The following CUL4A variants were observed in gnomAD, a reference collection of about 807,000 sequenced individuals.
CUL4A encodes the protein cullin-4A.
A neutral mutation model predicts 95.5 loss-of-function variants in CUL4A; 16 were observed. That is an observed-to-expected ratio of 0.17 (90% CI 0.11 to 0.25). The LOEUF (loss-of-function observed/expected upper bound fraction) is 0.25, where lower values mean the gene tolerates loss of function less well. CUL4A is among the 10% of genes least tolerant of loss of function. The pLI, the probability that CUL4A is intolerant of heterozygous loss-of-function variation, is 1.00. For missense variants in CUL4A, 610 were observed against 937.0 expected, an observed-to-expected ratio of 0.65 and a Z score of 4.56; for synonymous variants, 380 against 353.1, an observed-to-expected ratio of 1.08 and a Z score of -0.85.
At chr13:113,211,191 T>G (rs1485339528) in intron 2 of CUL4A, among the ~76,000 whole-genome samples, 1 of 152,250 alleles carries the variant, frequency 6.6e-6, no homozygotes, top group African/African-American at 2.4e-5. Context: ...TATTTTGCGA[T>G]TTCTAGAACC....
chr13:113,235,338 C>T (rs951792361), intron 8 of CUL4A, among the ~76,000 whole-genome samples, 193 bp downstream of exon 8: 3 of 152,240 alleles, frequency 2.0e-5, no homozygotes, highest in Admixed American at 6.5e-5. Flanking sequence ...AGTGCCTTGT[C>T]ATGAGTTACG....
At chr13:113,259,524 T>C (rs2042215417) in intron 18 of CUL4A, among the ~76,000 whole-genome samples, 1 of 152,238 alleles carries the variant, frequency 6.6e-6, no homozygotes, top group Non-Finnish European at 1.5e-5. Flanking sequence ...TGCTTTTTTA[T>C]TCATCCTTGT....
intron 15 of CUL4A, among the ~76,000 whole-genome samples, chr13:113,251,192 T>G (rs1362549215): frequency 6.6e-6 from 1 of 152,028 alleles, no homozygotes; most frequent in Non-Finnish European, 1.5e-5. Flanking sequence ...GCTAAGAGGG[T>G]GTCAGAGAAG....
chr13:113,254,638 T>G, intron 16 of CUL4A, 55 bp from the exon 17 acceptor site: 1 of 1,223,996 alleles, frequency 8.2e-7, no homozygotes, highest in Non-Finnish European at 1.1e-6. Flanking sequence ...TCTTTTAATT[T>G]TTCAAAGATT....
chr13:113,218,912 A>T (rs779732455), intron 2 of CUL4A, 33 bp from the exon 3 acceptor site: 2 of 1,450,236 alleles, frequency 1.4e-6, no homozygotes, highest in South Asian at 2.4e-5. Flanking sequence ...TGTTGTTCAT[A>T]CTGAAGAATT....
intron 12 of CUL4A, 76 bp from the exon 13 acceptor site, chr13:113,244,873 G>A: frequency 1.1e-6 from 1 of 917,386 alleles, no homozygotes; most frequent in Non-Finnish European, 1.7e-6. Context: ...AGGGTTTTCA[G>A]CAGTTGAAGT....
chr13:113,208,278 C>A, upstream of CUL4A: 4 of 1,437,520 alleles, frequency 2.8e-6, no homozygotes, highest in Non-Finnish European at 3.6e-6. Flanking sequence ...GCAGGCCCTT[C>A]GGACCGCCTG....
rs752707379 is a variant in CUL4A at position 113,243,085 on chromosome 13, C to T, written c.1153C>T (p.Arg385Trp). 4.3e-6 allele frequency: 7 copies of T among 1,614,032 alleles called. No homozygotes were observed. Among genetic ancestry groups the T allele is most frequent in the East Asian group, 2.2e-5 (1 of 44,892 alleles). Residue 385 changes from arginine to tryptophan, a missense_variant, in exon 11 of 20, where the codon CGG becomes TGG. By Grantham distance (101) the Arg-to-Trp change is moderately radical (BLOSUM62 -3). Around this residue, in one of 10 missense-constraint regions of CUL4A, gnomAD observed 153 missense variants for 244.5 expected, o/e 0.63. Coordinates refer to ENST00000375440, the MANE Select transcript of CUL4A (RefSeq NM_001008895.4). ...VIEVCFQKNERFVNLMKESFE... is the reference protein window; with the variant it reads ...VIEVCFQKNEWFVNLMKESFE... ...CGAGGTCTGCTTCCAGAAGAATGAG[C>T]GGTTCGTCAACCTGATGAAGGAGTC...
Position 113,264,395 on chromosome 13 carries a change from A to G in CUL4A, c.*813A>G, listed in dbSNP as rs916450813. The G allele has an allele frequency of 1.3e-5, 2 of 152,092 alleles. No individual in the cohort carries two copies. Among genetic ancestry groups the G allele is most frequent in the African/African-American group, 4.8e-5 (2 of 41,400 alleles). 9.4% of individuals were successfully genotyped at this position (152,092 alleles called of 1,614,324 possible). A position where few individuals can be genotyped will look rare whatever the true frequency, so the allele number is the denominator to read the frequency against. On this transcript the variant is annotated 3_prime_UTR_variant, in exon 20 of 20. Coordinates refer to ENST00000375440, the MANE Select transcript of CUL4A (RefSeq NM_001008895.4). ...TAATTGCAGTATTTGTGTGATTGCAATAATAAAGTTTGGTTTGGTTTTTAC... is the reference window on the plus strand; with the variant it reads ...TAATTGCAGTATTTGTGTGATTGCAGTAATAAAGTTTGGTTTGGTTTTTAC...
chr13:113,242,786 A>G (rs535007012), intron 10 of CUL4A, among the ~76,000 whole-genome samples, 182 bp from the exon 11 acceptor site: 1 of 152,202 alleles, frequency 6.6e-6, no homozygotes, highest in African/African-American at 2.4e-5. Flanking sequence ...GGCCTGCCTC[A>G]AAAAAAAGTG....
intron 5 of CUL4A, 124 bp from the exon 6 acceptor site, chr13:113,233,053 C>A: frequency 1.0e-6 from 1 of 1,001,436 alleles, no homozygotes; most frequent in South Asian, 1.7e-5. Context: ...TTCTTGGCAC[C>A]TAGATGTAGA....
At chr13:113,233,689 A>G (rs1435185965) in intron 6 of CUL4A, among the ~76,000 whole-genome samples, 1 of 152,236 alleles carries the variant, frequency 6.6e-6, no homozygotes, top group Non-Finnish European at 1.5e-5. Flanking sequence ...CTTTAGAGCA[A>G]TAGGACCCCA....
intron 3 of CUL4A, among the ~76,000 whole-genome samples, chr13:113,220,477 C>T (rs1445409644): frequency 6.6e-6 from 1 of 152,242 alleles, no homozygotes; most frequent in Non-Finnish European, 1.5e-5. Flanking sequence ...CAGGCCCCGC[C>T]CCAGTGCCAC....
intron 14 of CUL4A, 85 bp from the exon 15 acceptor site, chr13:113,245,871 T>C: frequency 9.7e-7 from 1 of 1,026,792 alleles, no homozygotes; most frequent in Non-Finnish European, 1.4e-6. Context: ...AACTTTATAT[T>C]GAAAATTACA....
intron 2 of CUL4A, 46 bp from the exon 3 acceptor site, chr13:113,218,899 A>G (rs369798527): frequency 5.9e-6 from 8 of 1,356,684 alleles, no homozygotes; most frequent in South Asian, 3.7e-5. Context: ...TTATGAACCA[A>G]TCTGTTGTTC....
intron 11 of CUL4A, 80 bp from the exon 12 acceptor site, chr13:113,244,330 C>G: frequency 2.0e-6 from 2 of 997,406 alleles, no homozygotes; most frequent in Non-Finnish European, 3.1e-6. Context: ...CCAGAATGTT[C>G]CTGTACAATG....
chr13:113,215,496 T>C (rs149611007), intron 2 of CUL4A, among the ~76,000 whole-genome samples: 2,456 of 138,970 alleles, frequency 0.018, 67 homozygotes, highest in African/African-American at 0.062. Context: ...ATGGAGGTTG[T>C]TGTGTGACTA....
intron 2 of CUL4A, among the ~76,000 whole-genome samples, chr13:113,211,510 G>T (rs548819906): frequency 6.6e-6 from 1 of 152,148 alleles, no homozygotes; most frequent in Admixed American, 6.5e-5. Flanking sequence ...TCAGCCTCCC[G>T]AGTCGCTGGG....
intron 10 of CUL4A, among the ~76,000 whole-genome samples, chr13:113,242,008 A>G (rs1229334178): frequency 6.6e-6 from 1 of 151,848 alleles, no homozygotes; most frequent in African/African-American, 2.4e-5. Flanking sequence ...GTTTAATATA[A>G]CAGTTTTAAA....
Sources: gnomAD v4.1 joint callset for allele counts (sites outside exome capture counted in the v4.1 genomes callset) on GRCh38, gnomAD v4.1.1 for gene constraint, gnomAD v4.1.1 regional missense constraint, MANE v1.5 for transcripts, NCBI Gene and HGNC (gene_info 2026-07-23, HGNC 2026-07-21) for gene names.